The following SLC2A14 variants were observed in gnomAD, a reference collection of about 807,000 sequenced individuals.
The protein encoded by SLC2A14 is solute carrier family 2, facilitated glucose transporter member 14.
Under a neutral mutation model 43.0 loss-of-function variants are expected in SLC2A14, and 13 were observed. The ratio of observed to expected loss-of-function variants is 0.30; its 90% CI spans 0.20 to 0.48. The LOEUF is 0.48. SLC2A14 is among the 20% of genes least tolerant of loss of function. The pLI is 0.99. For missense variants in SLC2A14, 428 were observed against 620.4 expected (o/e 0.69, Z 3.29); for synonymous variants, 190 against 233.8 (o/e 0.81, Z 1.71).
At chr12:7,814,652 G>T in intron 10 of SLC2A14, 118 bp from the exon 11 acceptor site, 1 of 1,098,776 alleles carries the variant, frequency 9.1e-7, no homozygotes, top group Non-Finnish European at 1.3e-6. Flanking sequence ...CATATTTAAT[G>T]AAAACATAAA....
Position 7,871,622 on chromosome 12 carries a change from G to A in SLC2A14, c.-58+1185C>T, listed in dbSNP as rs567633237. Among the ~76,000 whole-genome samples, 66 of 152,138 alleles carry A rather than the reference G, an allele frequency of 4.3e-4. 2 individuals are homozygous for A. Among genetic ancestry groups the A allele is most frequent in the Middle Eastern group, 6.8e-3 (2 of 294 alleles). ...TCTCTGACCCCTCCAGGGAAAGACC[G>A]CCTTATGAAGAGATGGGCCTCCAGG... On this transcript the variant is annotated intron_variant, in intron 1 of 10. Coordinates refer to ENST00000431042, the MANE Select transcript of SLC2A14 (RefSeq NM_001286234.2).
intron 10 of SLC2A14, among the ~76,000 whole-genome samples, chr12:7,816,512 C>T (rs1401658454): frequency 2.0e-5 from 3 of 151,612 alleles, no homozygotes; most frequent in African/African-American, 7.3e-5. Flanking sequence ...GCTGGGATTA[C>T]AGGCGTGAGC....
At chr12:7,844,118 T>G (rs1866249500) in intron 2 of SLC2A14, among the ~76,000 whole-genome samples, 1 of 152,184 alleles carries the variant, frequency 6.6e-6, no homozygotes, top group Non-Finnish European at 1.5e-5. Flanking sequence ...TAACATTTCT[T>G]GCTCCTCAAA....
At chr12:7,880,968 G>C (rs759651697) in intron 1 of SLC2A14, among the ~76,000 whole-genome samples, 1 of 152,102 alleles carries the variant, frequency 6.6e-6, no homozygotes, top group African/African-American at 2.4e-5. Context: ...GGTGAAACTC[G>C]TCTCTACTAA....
intron 3 of SLC2A14, 143 bp downstream of exon 3, chr12:7,832,579 G>T: frequency 1.2e-6 from 1 of 817,302 alleles, no homozygotes; most frequent in South Asian, 1.7e-5. Flanking sequence ...GGGCTCAAGT[G>T]ATCTTTAAGC....
chr12:7,828,570 G>A (rs1447262791), intron 6 of SLC2A14, 134 bp downstream of exon 6: 58 of 970,326 alleles, frequency 6.0e-5, no homozygotes, highest in Admixed American at 4.0e-4. Context: ...AAACAAAGTA[G>A]AGTAATCAGA....
chr12:7,853,753 A>G (rs1867128460), intron 2 of SLC2A14, among the ~76,000 whole-genome samples: 1 of 152,186 alleles, frequency 6.6e-6, no homozygotes, highest in Non-Finnish European at 1.5e-5. Flanking sequence ...CATATGACCA[A>G]CCAGGATGAT....
chr12:7,878,894 T>C (rs1318023117), intron 1 of SLC2A14, among the ~76,000 whole-genome samples: 2 of 139,464 alleles, frequency 1.4e-5, no homozygotes, highest in African/African-American at 2.7e-5. Flanking sequence ...GAAGAATCAC[T>C]TGAACCAGGG....
chr12:7,884,099 AT>A (rs57261238), intron 1 of SLC2A14, among the ~76,000 whole-genome samples: 74,840 of 150,884 alleles, frequency 0.5, 18,687 homozygotes, highest in Admixed American at 0.52. Context: ...AATTTTTTGT[AT>A]TTTTAGTAGA....
At chr12:7,839,776 C>T (rs1177329929) in intron 2 of SLC2A14, 3 of 452,018 alleles carry the variant, frequency 6.6e-6, no homozygotes, top group Admixed American at 2.4e-5. Flanking sequence ...AATACCCATA[C>T]AGAAGGGGCT....
At chr12:7,881,929 T>C (rs903567909) in intron 1 of SLC2A14, among the ~76,000 whole-genome samples, 9 of 152,130 alleles carry the variant, frequency 5.9e-5, no homozygotes, top group African/African-American at 2.2e-4. Flanking sequence ...ATAACTTTTG[T>C]GTCTAGCTCA....
At position 7,827,598 on chromosome 12, in the gene SLC2A14, T is replaced by G. The variant is rs762107235; in HGVS notation, c.761A>C (p.Lys254Thr). The change falls in exon 7 of 11, where the codon AAG becomes ACG. Residue 254 changes from lysine (K) to threonine (T), a missense_variant. By Grantham distance (78) the Lys-to-Thr change is moderately conservative (BLOSUM62 -1). Coordinates refer to ENST00000431042, the MANE Select transcript of SLC2A14 (RefSeq NM_001286234.2). ...KDESARMSQE[K>T]QVTVLELFRV... ...AAAGAGCTCCAGCACGGTGACTTGC[T>G]TTTCTTGTGACATCCTTGCACTCTC... The G allele has an allele frequency of 4.3e-5, 69 of 1,613,274 alleles. 1 individual carries two copies. The South Asian group carries it at 7.5e-4, about 17-fold the overall frequency.
At chr12:7,880,052 C>T (rs1229186564) in intron 1 of SLC2A14, among the ~76,000 whole-genome samples, 1 of 151,638 alleles carries the variant, frequency 6.6e-6, no homozygotes, top group Non-Finnish European at 1.5e-5. Flanking sequence ...CCTATAATCC[C>T]AGCACTTTGG....
At chr12:7,838,756 T>A (rs1865669405) in intron 2 of SLC2A14, among the ~76,000 whole-genome samples, 1 of 152,192 alleles carries the variant, frequency 6.6e-6, no homozygotes, top group African/African-American at 2.4e-5. Context: ...GAGGGCAAAG[T>A]GTTATGGACT....
Position 7,871,842 on chromosome 12 carries a change from A to AC in SLC2A14, c.-58+964dup, listed in dbSNP as rs1945251599. 4.2e-6 allele frequency: 4 copies of AC among 950,416 alleles called. No homozygotes were observed. In the South Asian group the frequency reaches 1.5e-4, roughly 35 times the overall value. The allele number at this position is 950,416 out of a possible 1,614,324, so 58.9% of individuals were successfully genotyped here. A position where few individuals can be genotyped will look rare whatever the true frequency, so the allele number is the denominator to read the frequency against. On this transcript the variant is annotated intron_variant, in intron 1 of 10. Coordinates refer to ENST00000431042, the MANE Select transcript of SLC2A14 (RefSeq NM_001286234.2). ...GGACAGGACACTAGACTCCTCCCCT[A>AC]CACCCTGTTGAGACACCAGCGCACA... is the stretch of plus-strand genomic sequence containing the variant.
At chr12:7,872,218 A>G (rs1335681680) in intron 1 of SLC2A14, 1 of 152,088 alleles carries the variant, frequency 6.6e-6, no homozygotes, top group African/African-American at 2.4e-5. Flanking sequence ...GACAATTCCA[A>G]TTTTCATCTT....
At chr12:7,823,240 G>A (rs1312124205) in intron 7 of SLC2A14, among the ~76,000 whole-genome samples, 1 of 151,984 alleles carries the variant, frequency 6.6e-6, no homozygotes, top group Non-Finnish European at 1.5e-5. Context: ...AAAATTAGCT[G>A]GGTGTGGTGG....
intron 7 of SLC2A14, among the ~76,000 whole-genome samples, chr12:7,822,072 C>T (rs1032792650): frequency 6.6e-6 from 1 of 151,824 alleles, no homozygotes; most frequent in Non-Finnish European, 1.5e-5. Context: ...GATCCGCCCG[C>T]CTCGGCCTCC....
intron 4 of SLC2A14, 172 bp downstream of exon 4, chr12:7,831,432 T>C (rs950122593): frequency 9.6e-6 from 9 of 933,286 alleles, no homozygotes; most frequent in African/African-American, 8.3e-5. Context: ...TCCAGGGTAG[T>C]AGAGCTCCAA....
Sources: allele counts gnomAD v4.1 joint callset (sites outside exome capture counted in the v4.1 genomes callset), GRCh38; gene constraint gnomAD v4.1.1; transcripts MANE v1.5; gene names NCBI Gene and HGNC (gene_info 2026-07-23, HGNC 2026-07-21).